The following WDR70 variants were observed in gnomAD, a reference collection of about 807,000 sequenced individuals.
The protein encoded by WDR70 is WD repeat domain 70.
In WDR70, 53 loss-of-function variants were observed where a neutral mutation model predicts 88.6. The observed-to-expected ratio is 0.60, with a 90% CI of 0.48 to 0.75. The LOEUF (loss-of-function observed/expected upper bound fraction) is 0.75. Among genes scored for constraint, WDR70 ranks in the 30% least tolerant of loss-of-function variants. The pLI, the probability that WDR70 is intolerant of heterozygous loss-of-function variation, is 0.00. For synonymous variants in WDR70, 280 were observed against 270.0 expected (o/e 1.04, Z -0.36); for missense variants, 610 against 823.2 (o/e 0.74, Z 3.17).
At chr5:37,558,389 G>T (rs182394544) in intron 9 of WDR70, among the ~76,000 whole-genome samples, 2 of 152,140 alleles carry the variant, frequency 1.3e-5, no homozygotes, top group Admixed American at 1.3e-4. Context: ...CAGAATTACA[G>T]TTCACTGCAG....
At chr5:37,464,926 C>T (rs1420359681) in intron 7 of WDR70, among the ~76,000 whole-genome samples, 2 of 152,084 alleles carry the variant, frequency 1.3e-5, no homozygotes, top group Admixed American at 6.6e-5. Flanking sequence ...TGCCAGCTAG[C>T]AAAGGAAAAA....
In WDR70 at chr5:37,597,147, C is replaced by T. The variant is rs142570510; in HGVS notation, c.918-7917C>T. Among the ~76,000 whole-genome samples, 42 of 152,278 alleles carry T rather than the reference C, an allele frequency of 2.8e-4. No homozygotes were observed. In the East Asian group the frequency reaches 7.9e-3, roughly 29 times the overall value. On this transcript the variant is annotated intron_variant, in intron 9 of 17. Transcript: ENST00000265107. ...TTTGGGGCAATTGTGAACAAAGCTG[C>T]TGTAATTATTCATCTACAGCTTTTT...
At chr5:37,715,896 T>C (rs1470175388) in intron 13 of WDR70, among the ~76,000 whole-genome samples, 1 of 152,084 alleles carries the variant, frequency 6.6e-6, no homozygotes, top group Non-Finnish European at 1.5e-5. Flanking sequence ...TCTTAGTGTC[T>C]GGAATCTGCA....
chr5:37,555,212 A>G (rs1192465556), intron 9 of WDR70, among the ~76,000 whole-genome samples: 1 of 152,222 alleles, frequency 6.6e-6, no homozygotes, highest in African/African-American at 2.4e-5. Flanking sequence ...TAATTAGTAT[A>G]ACGTAGTGAT....
chr5:37,469,578 A>G (rs1445833018), intron 7 of WDR70, among the ~76,000 whole-genome samples: 1 of 152,214 alleles, frequency 6.6e-6, no homozygotes, highest in Non-Finnish European at 1.5e-5. Flanking sequence ...AATTGGGAGT[A>G]ACAGAAGTAA....
intron 9 of WDR70, among the ~76,000 whole-genome samples, chr5:37,551,465 C>T (rs928629525): frequency 6.6e-6 from 1 of 151,900 alleles, no homozygotes; most frequent in Non-Finnish European, 1.5e-5. Flanking sequence ...CATGGTGGCT[C>T]ACACCTCTAA....
intron 10 of WDR70, among the ~76,000 whole-genome samples, chr5:37,685,155 G>C (rs2112624961): frequency 6.6e-6 from 1 of 152,232 alleles, no homozygotes. Flanking sequence ...GATGGGCTCT[G>C]TGCCCACCAA....
intron 8 of WDR70, among the ~76,000 whole-genome samples, chr5:37,495,656 T>C (rs78981252): frequency 0.035 from 5,290 of 152,280 alleles, 314 homozygotes; most frequent in African/African-American, 0.12. Flanking sequence ...GGAGTGCCTA[T>C]GTTTAGATAA....
intron 4 of WDR70, among the ~76,000 whole-genome samples, chr5:37,392,675 C>T (rs185128756): frequency 2.6e-5 from 4 of 152,174 alleles, no homozygotes; most frequent in East Asian, 3.9e-4. Context: ...GATGGAATCT[C>T]GCTCTTTCGC....
chr5:37,403,947 G>A lies in WDR70; in HGVS notation c.492+7377G>A, dbSNP rs927382391. ...TTGTAGAGTGGGGTCTTGCTCTCTT[G>A]TCTGTGTGGCCTTGAACTCTTGGCC... is the stretch of plus-strand genomic sequence containing the variant. On this transcript the variant is annotated intron_variant, in intron 5 of 17. Coordinates refer to ENST00000265107, the MANE Select transcript of WDR70 (RefSeq NM_018034.4). 2.0e-5 allele frequency among the ~76,000 whole-genome samples: 3 copies of A among 152,048 alleles called. No homozygotes were observed. The South Asian group carries it at 6.2e-4, about 32-fold the overall frequency.
intron 10 of WDR70, among the ~76,000 whole-genome samples, chr5:37,667,056 G>A (rs576502304): frequency 6.6e-6 from 1 of 152,282 alleles, no homozygotes; most frequent in South Asian, 2.1e-4. Context: ...CAAGTGACTG[G>A]TAGGTGATTT....
chr5:37,448,247 A>C lies in WDR70; in HGVS notation c.686+4875A>C, dbSNP rs185230191. On this transcript the variant is annotated intron_variant, in intron 7 of 17. Coordinates refer to ENST00000265107, the MANE Select transcript of WDR70 (RefSeq NM_018034.4). ...AGTCCTTGATTGCTGTATAATTTTGACATGACCTTATTAGTCTTTAAAACT... is the reference window on the plus strand; with the variant it reads ...AGTCCTTGATTGCTGTATAATTTTGCCATGACCTTATTAGTCTTTAAAACT... Among the ~76,000 whole-genome samples, 393 of 152,248 alleles carry C rather than the reference A, an allele frequency of 2.6e-3. 2 individuals carry two copies. The highest frequency in any genetic ancestry group is 3.5e-3 in the Non-Finnish European group (237 of 68,030).
intron 5 of WDR70, among the ~76,000 whole-genome samples, chr5:37,434,787 C>G (rs1166843738): frequency 2.0e-5 from 3 of 152,178 alleles, no homozygotes; most frequent in Non-Finnish European, 4.4e-5. Flanking sequence ...TTCCTCTCTT[C>G]CATTGGGACT....
intron 10 of WDR70, among the ~76,000 whole-genome samples, chr5:37,661,540 G>A (rs978019498): frequency 5.3e-5 from 8 of 152,172 alleles, no homozygotes; most frequent in Non-Finnish European, 2.9e-5. Flanking sequence ...CCAGCTGTGT[G>A]GGAGACTGGA....
intron 10 of WDR70, among the ~76,000 whole-genome samples, chr5:37,642,623 G>C (rs1050081138): frequency 6.6e-6 from 1 of 152,082 alleles, no homozygotes; most frequent in Non-Finnish European, 1.5e-5. Context: ...AACAGTATAT[G>C]AGTGTTCTCT....
chr5:37,722,048 C>A (rs1049743956), intron 14 of WDR70: 4 of 152,112 alleles, frequency 2.6e-5, no homozygotes, highest in Non-Finnish European at 5.9e-5. Flanking sequence ...GCAGACAGCC[C>A]CATCTTCCTT....
chr5:37,442,266 A>G (rs1316202099), intron 6 of WDR70, among the ~76,000 whole-genome samples: 3 of 151,452 alleles, frequency 2.0e-5, no homozygotes, highest in Non-Finnish European at 4.4e-5. Flanking sequence ...CAAACTCCCA[A>G]CCTCAGGTGA....
chr5:37,412,494 A>G (rs1399460518), intron 5 of WDR70, among the ~76,000 whole-genome samples: 1 of 152,174 alleles, frequency 6.6e-6, no homozygotes, highest in Non-Finnish European at 1.5e-5. Flanking sequence ...TCATAATTAA[A>G]TGGAAACTTT....
chr5:37,539,257 G>A (rs1741747865), intron 9 of WDR70, among the ~76,000 whole-genome samples: 1 of 152,094 alleles, frequency 6.6e-6, no homozygotes, highest in African/African-American at 2.4e-5. Flanking sequence ...TTTATGAGTT[G>A]TTGCCATAAC....
Sources: allele counts gnomAD v4.1 joint callset (sites outside exome capture counted in the v4.1 genomes callset), GRCh38; gene constraint gnomAD v4.1.1; transcripts MANE v1.5; gene names NCBI Gene and HGNC (gene_info 2026-07-23, HGNC 2026-07-21).